The following ARHGAP15 variants were observed in gnomAD, a reference collection of about 807,000 sequenced individuals.
ARHGAP15 encodes the protein rho GTPase-activating protein 15.
In ARHGAP15, 51 loss-of-function variants were observed where a neutral mutation model predicts 63.7. The ratio of observed to expected loss-of-function variants is 0.80; its 90% CI spans 0.64 to 1.01. The LOEUF (loss-of-function observed/expected upper bound fraction) is 1.01. Ranked by LOEUF, ARHGAP15 falls within the 50% of genes least tolerant of loss-of-function variation. ARHGAP15 has a pLI of 0.00. For missense variants in ARHGAP15, 560 were observed against 564.6 expected, an observed-to-expected ratio of 0.99 and a Z score of 0.08; for synonymous variants, 191 against 193.8, an observed-to-expected ratio of 0.99 and a Z score of 0.12.
chr2:143,253,082 G>A (rs1170768450), intron 6 of ARHGAP15, among the ~76,000 whole-genome samples: 1 of 152,018 alleles, frequency 6.6e-6, no homozygotes, highest in Non-Finnish European at 1.5e-5. Flanking sequence ...GTTTGAATTA[G>A]GCTTGGTGTT....
chr2:143,407,793 T>A (rs187074138), intron 6 of ARHGAP15, among the ~76,000 whole-genome samples: 12 of 151,464 alleles, frequency 7.9e-5, no homozygotes, highest in African/African-American at 2.9e-4. Context: ...TAATACTGAA[T>A]TCTTTTGGGC....
At chr2:143,691,501 T>G (rs1683598313) in intron 12 of ARHGAP15, among the ~76,000 whole-genome samples, 1 of 152,206 alleles carries the variant, frequency 6.6e-6, no homozygotes, top group South Asian at 2.1e-4. Flanking sequence ...AGTTGCACAT[T>G]GCATAATCAG....
chr2:143,651,128 C>T (rs1253279892), intron 12 of ARHGAP15, among the ~76,000 whole-genome samples: 1 of 152,018 alleles, frequency 6.6e-6, no homozygotes, highest in Non-Finnish European at 1.5e-5. Flanking sequence ...AATCAGGGAG[C>T]ATTTAAATTT....
At chr2:143,187,733 C>T (rs1261515248) in intron 2 of ARHGAP15, among the ~76,000 whole-genome samples, 1 of 152,126 alleles carries the variant, frequency 6.6e-6, no homozygotes, top group Admixed American at 6.5e-5. Flanking sequence ...TTTTTGTATT[C>T]CACTTATATT....
chr2:143,687,211 G>T (rs1212334528), intron 12 of ARHGAP15, among the ~76,000 whole-genome samples: 2 of 150,724 alleles, frequency 1.3e-5, no homozygotes, highest in Non-Finnish European at 3.0e-5. Context: ...AAAGGCTCAG[G>T]TATGAGAAAA....
rs73962353 is a variant in ARHGAP15 at position 143,155,280 on chromosome 2, T to C, written c.-14-197T>C. Among the ~76,000 whole-genome samples, 840 of 152,010 alleles carry C rather than the reference T, an allele frequency of 5.5e-3. 5 individuals are homozygous for C. Among genetic ancestry groups the C allele is most frequent in the African/African-American group, 0.019 (788 of 41,504 alleles). ...AACTTCTGAAGTCCTCTGTTATGTATAGTGCTATCCACATGTAAAGGTCCC... is the reference window on the plus strand; with the variant it reads ...AACTTCTGAAGTCCTCTGTTATGTACAGTGCTATCCACATGTAAAGGTCCC... On this transcript the variant is annotated intron_variant, in intron 1 of 13. Coordinates refer to ENST00000295095, the MANE Select transcript of ARHGAP15 (RefSeq NM_018460.4).
At chr2:143,588,966 T>C (rs1197777417) in intron 11 of ARHGAP15, among the ~76,000 whole-genome samples, 2 of 152,212 alleles carry the variant, frequency 1.3e-5, no homozygotes, top group African/African-American at 2.4e-5. Flanking sequence ...GTCAAGACTT[T>C]TAAAAGGCCT....
chr2:143,723,956 ATGAGGTTCCACAG>A (rs1422132411), intron 13 of ARHGAP15, among the ~76,000 whole-genome samples: 3 of 152,154 alleles, frequency 2.0e-5, no homozygotes, highest in Admixed American at 2.0e-4. Flanking sequence ...CAGCTTCAGT[ATGAGGTTCCACAG>A]TGACTTCAGG....
chr2:143,212,847 T>A (rs571476192), intron 3 of ARHGAP15, among the ~76,000 whole-genome samples: 47 of 152,314 alleles, frequency 3.1e-4, no homozygotes, highest in Non-Finnish European at 6.0e-4. Context: ...TGGTGACGTA[T>A]TTCAAACTAT....
intron 2 of ARHGAP15, among the ~76,000 whole-genome samples, chr2:143,192,740 T>C (rs185793768): frequency 5.9e-5 from 9 of 152,382 alleles, no homozygotes; most frequent in Admixed American, 4.6e-4. Context: ...CTTGCCCTCA[T>C]TGAACATATA....
chr2:143,424,479 T>C (rs1159187360), intron 6 of ARHGAP15, among the ~76,000 whole-genome samples: 23 of 152,040 alleles, frequency 1.5e-4, no homozygotes, highest in Admixed American at 1.5e-3. Context: ...ACACCACCAT[T>C]TAAGGGATGA....
chr2:143,129,888 A>T (rs2104974099), intron 1 of ARHGAP15, among the ~76,000 whole-genome samples: 1 of 152,314 alleles, frequency 6.6e-6, no homozygotes, highest in South Asian at 2.1e-4. Context: ...CTTGAATTTC[A>T]GTGTGAAAGA....
chr2:143,433,153 C>T (rs1689463085), intron 6 of ARHGAP15, among the ~76,000 whole-genome samples: 1 of 151,922 alleles, frequency 6.6e-6, no homozygotes. Flanking sequence ...ATTCAGCAAA[C>T]CATTTATCAG....
chr2:143,201,210 G>C (rs1304426916), intron 2 of ARHGAP15, among the ~76,000 whole-genome samples: 1 of 151,548 alleles, frequency 6.6e-6, no homozygotes, highest in Admixed American at 6.6e-5. Context: ...CCTGGCTCAA[G>C]TGATTCTCCC....
intron 12 of ARHGAP15, among the ~76,000 whole-genome samples, chr2:143,673,744 GTGTGTGTGTGTGTGTA>G (rs1559118648): frequency 4.1e-5 from 1 of 24,648 alleles, no homozygotes; most frequent in Non-Finnish European, 2.0e-4. Flanking sequence ...GTGTGTGTGT[GTGTGTGTGTGTGTGTA>G]TATATATATA....
chr2:143,517,520 C>G (rs1306475334), intron 9 of ARHGAP15, among the ~76,000 whole-genome samples: 1 of 152,126 alleles, frequency 6.6e-6, no homozygotes, highest in African/African-American at 2.4e-5. Context: ...GTCCCTCATT[C>G]TACAAATGTT....
chr2:143,713,919 T>C (rs1355148320), intron 13 of ARHGAP15, among the ~76,000 whole-genome samples: 2 of 152,178 alleles, frequency 1.3e-5, no homozygotes, highest in Non-Finnish European at 2.9e-5. Context: ...TAGGCTGGCA[T>C]CGAGTGTCTG....
At chr2:143,555,787 G>T (rs926847449) in intron 10 of ARHGAP15, among the ~76,000 whole-genome samples, 2 of 151,784 alleles carry the variant, frequency 1.3e-5, no homozygotes, top group Non-Finnish European at 2.9e-5. Context: ...ATTATATCTA[G>T]AATAGAATTT....
chr2:143,761,739 G>A (rs971654647), intron 13 of ARHGAP15, among the ~76,000 whole-genome samples: 1 of 152,010 alleles, frequency 6.6e-6, no homozygotes, highest in African/African-American at 2.4e-5. Flanking sequence ...TTCTTTTCCG[G>A]GGGTCCAACA....
Sources: gnomAD v4.1 joint callset for allele counts (sites outside exome capture counted in the v4.1 genomes callset) on GRCh38, gnomAD v4.1.1 for gene constraint, MANE v1.5 for transcripts, NCBI Gene and HGNC (gene_info 2026-07-23, HGNC 2026-07-21) for gene names.